KCNN2: variants seen among roughly 807,000 people sequenced by gnomAD.
KCNN2 encodes the protein potassium calcium-activated channel subfamily N member 2.
In KCNN2, 24 loss-of-function variants were observed where a neutral mutation model predicts 55.5. The ratio of observed to expected loss-of-function variants is 0.43; its 90% CI spans 0.31 to 0.61. The LOEUF is 0.61. Ranked by LOEUF, KCNN2 falls within the 20% of genes least tolerant of loss-of-function variation. The pLI is 0.08. For missense variants in KCNN2, 754 were observed against 853.6 expected (o/e 0.88, Z 1.45); for synonymous variants, 431 against 336.1 (o/e 1.28, Z -3.09).
intron 1 of KCNN2, among the ~76,000 whole-genome samples, chr5:114,146,085 C>G (rs1384693873): frequency 6.6e-6 from 1 of 152,036 alleles, no homozygotes; most frequent in Non-Finnish European, 1.5e-5. Flanking sequence ...TAGCCTCTTC[C>G]CCACGTTAAA....
chr5:114,088,905 G>A (rs1235050755), intron 1 of KCNN2, among the ~76,000 whole-genome samples: 2 of 152,192 alleles, frequency 1.3e-5, no homozygotes, highest in Admixed American at 6.5e-5. Context: ...ACAGGCGTGA[G>A]CCACTGCGCC....
intron 1 of KCNN2, among the ~76,000 whole-genome samples, chr5:114,184,004 T>A (rs1379758822): frequency 1.3e-5 from 2 of 152,204 alleles, no homozygotes; most frequent in Non-Finnish European, 2.9e-5. Flanking sequence ...TATGCCTTGA[T>A]AATGCAAGAG....
intron 1 of KCNN2, among the ~76,000 whole-genome samples, chr5:114,136,024 A>T (rs1379112396): frequency 6.6e-6 from 1 of 152,176 alleles, no homozygotes; most frequent in African/African-American, 2.4e-5. Flanking sequence ...AATTCAAGAA[A>T]AATTTCCAGA....
At chr5:114,210,312 A>G (rs936625317) in intron 1 of KCNN2, among the ~76,000 whole-genome samples, 6 of 152,190 alleles carry the variant, frequency 3.9e-5, no homozygotes, top group Non-Finnish European at 8.8e-5. Context: ...AAGATTCTTT[A>G]AGCAGAATCA....
intron 2 of KCNN2, among the ~76,000 whole-genome samples, chr5:114,341,439 A>G (rs1757012933): frequency 6.6e-6 from 1 of 152,190 alleles, no homozygotes; most frequent in Non-Finnish European, 1.5e-5. Flanking sequence ...AAATGAAATT[A>G]TAAATTCATT....
chr5:114,237,909 G>A (rs146689513), intron 2 of KCNN2, among the ~76,000 whole-genome samples: 2 of 152,260 alleles, frequency 1.3e-5, no homozygotes, highest in African/African-American at 4.8e-5. Context: ...GGCCTTTTAG[G>A]TTGCAGCAGC....
intron 1 of KCNN2, among the ~76,000 whole-genome samples, chr5:114,189,469 T>C (rs1157840638): frequency 6.6e-6 from 1 of 152,166 alleles, no homozygotes; most frequent in Non-Finnish European, 1.5e-5. Flanking sequence ...ACCAATTAAA[T>C]GTTGATCTTG....
In KCNN2 at chr5:114,274,741, A is replaced by T. The variant is rs1321012161; in HGVS notation, c.-185+53176A>T. 1.3e-5 allele frequency among the ~76,000 whole-genome samples: 2 copies of T among 152,140 alleles called. 1 individual carries two copies. Among genetic ancestry groups the T allele is most frequent in the Non-Finnish European group, 2.9e-5 (2 of 68,018 alleles). ...CAGATTAAGGAGATTTTGGGATGAG[A>T]CGATGGAGTTTTCTAAATATACTAT... is the stretch of plus-strand genomic sequence containing the variant. On this transcript the variant is annotated intron_variant, in intron 2 of 10. Transcript: ENST00000512097.
chr5:114,177,401 T>C (rs1020343725), intron 1 of KCNN2, among the ~76,000 whole-genome samples: 5 of 152,146 alleles, frequency 3.3e-5, no homozygotes, highest in Non-Finnish European at 7.4e-5. Flanking sequence ...CCTCCCAAAG[T>C]GCTGGGATTA....
chr5:114,307,271 G>A (rs1756301036), intron 2 of KCNN2, among the ~76,000 whole-genome samples: 1 of 152,156 alleles, frequency 6.6e-6, no homozygotes, highest in Non-Finnish European at 1.5e-5. Context: ...ACTGAATGAG[G>A]AATCCTGATT....
chr5:114,487,859 T>G (rs1747650103), intron 6 of KCNN2, among the ~76,000 whole-genome samples: 1 of 152,218 alleles, frequency 6.6e-6, no homozygotes, highest in Admixed American at 6.5e-5. Flanking sequence ...CCATGCAGAC[T>G]TGCTCTTAAT....
intron 2 of KCNN2, among the ~76,000 whole-genome samples, chr5:114,368,349 A>C (rs1757665816): frequency 6.6e-6 from 1 of 152,132 alleles, no homozygotes; most frequent in African/African-American, 2.4e-5. Context: ...TCATCTTTAG[A>C]GTTGGCTTTT....
At chr5:114,278,264 C>T (rs1378558359) in intron 2 of KCNN2, among the ~76,000 whole-genome samples, 1 of 152,120 alleles carries the variant, frequency 6.6e-6, no homozygotes, top group East Asian at 1.9e-4. Context: ...ATCTGTTGGC[C>T]CCTACTGGTA....
intron 1 of KCNN2, among the ~76,000 whole-genome samples, chr5:114,121,739 C>T (rs916222605): frequency 6.6e-6 from 1 of 152,114 alleles, no homozygotes; most frequent in African/African-American, 2.4e-5. Context: ...TGCCTCTGAT[C>T]GATGTGGTGA....
chr5:114,183,344 A>G (rs930782200), intron 1 of KCNN2, among the ~76,000 whole-genome samples: 2 of 151,974 alleles, frequency 1.3e-5, no homozygotes, highest in African/African-American at 4.8e-5. Context: ...TCATTTTTTA[A>G]TATTGGGATT....
At chr5:114,204,351 A>G (rs1427157440) in intron 1 of KCNN2, among the ~76,000 whole-genome samples, 1 of 152,220 alleles carries the variant, frequency 6.6e-6, no homozygotes, top group Non-Finnish European at 1.5e-5. Context: ...TTTTCCAGCT[A>G]CTGAAGAGAA....
At chr5:114,212,432 G>A (rs1238569495) in intron 1 of KCNN2, among the ~76,000 whole-genome samples, 1 of 151,968 alleles carries the variant, frequency 6.6e-6, no homozygotes, top group Non-Finnish European at 1.5e-5. Flanking sequence ...TCTTTCAGTG[G>A]TAATGAAAAT....
At chr5:114,161,081 T>G (rs943656662) in intron 1 of KCNN2, among the ~76,000 whole-genome samples, 1 of 152,232 alleles carries the variant, frequency 6.6e-6, no homozygotes, top group Admixed American at 6.5e-5. Flanking sequence ...CGTTAGTTGA[T>G]GCAGTTTCTT....
At chr5:114,110,762 G>T (rs1437139935) in intron 1 of KCNN2, among the ~76,000 whole-genome samples, 1 of 151,946 alleles carries the variant, frequency 6.6e-6, no homozygotes, top group African/African-American at 2.4e-5. Context: ...TGGGAAAATG[G>T]CATGCTATGT....
Sources: gnomAD v4.1 joint callset for allele counts (sites outside exome capture counted in the v4.1 genomes callset) on GRCh38, gnomAD v4.1.1 for gene constraint, MANE v1.5 for transcripts, NCBI Gene and HGNC (gene_info 2026-07-23, HGNC 2026-07-21) for gene names.